The following PTPRK variants were observed in gnomAD, a reference collection of about 807,000 sequenced individuals.
PTPRK encodes protein tyrosine phosphatase receptor type K.
A neutral mutation model predicts 178.0 loss-of-function variants in PTPRK; 75 were observed. The ratio of observed to expected loss-of-function variants is 0.42; its 90% CI spans 0.35 to 0.51. The LOEUF (loss-of-function observed/expected upper bound fraction) is 0.51, where lower values mean the gene tolerates loss of function less well. Ranked by LOEUF, PTPRK falls within the 20% of genes least tolerant of loss-of-function variation. The probability of loss-of-function intolerance (pLI) is 0.02; values close to 1 mark genes in which losing one functional copy is unlikely to be tolerated. For missense variants in PTPRK, 1,441 were observed against 1,797.8 expected (o/e 0.80, Z 3.59); for synonymous variants, 637 against 620.6 (o/e 1.03, Z -0.39).
intron 6 of PTPRK, among the ~76,000 whole-genome samples, chr6:128,199,349 C>T (rs925397886): frequency 6.6e-6 from 1 of 151,980 alleles, no homozygotes; most frequent in African/African-American, 2.4e-5. Flanking sequence ...TGAGAGAAAC[C>T]AGATAAGAGT....
At chr6:128,218,783 A>C in intron 6 of PTPRK, 139 bp downstream of exon 6, 2 of 817,226 alleles carry the variant, frequency 2.4e-6, no homozygotes, top group East Asian at 5.5e-5. Flanking sequence ...CATTCTGAGA[A>C]ATTGTATGAT....
chr6:128,452,468 C>T (rs1847913917), intron 1 of PTPRK, among the ~76,000 whole-genome samples: 1 of 151,946 alleles, frequency 6.6e-6, no homozygotes, highest in Admixed American at 6.6e-5. Flanking sequence ...AATTATATAC[C>T]TATACAACCT....
intron 6 of PTPRK, among the ~76,000 whole-genome samples, chr6:128,194,974 TATA>T (rs1382893981): frequency 2.0e-5 from 3 of 152,244 alleles, no homozygotes; most frequent in African/African-American, 4.8e-5. Flanking sequence ...GCAAAATCTC[TATA>T]ATGAGAATAT....
chr6:128,104,386 C>T lies in PTPRK; in HGVS notation c.1163-14394G>A, dbSNP rs141394348. Reference sequence around the variant, plus strand: ...GGACTACAGGCACTGGCCACTACGCCGGGCTTTTTGTATTTTTAGTAGAGA... The same window carrying T: ...GGACTACAGGCACTGGCCACTACGCTGGGCTTTTTGTATTTTTAGTAGAGA... On this transcript the variant is annotated intron_variant, in intron 7 of 29. Transcript: ENST00000368226. Among the ~76,000 whole-genome samples the T allele has an allele frequency of 5.3e-5, 8 of 152,224 alleles. No individual in the cohort carries two copies. In the East Asian group the frequency reaches 1.4e-3, roughly 26 times the overall value.
At chr6:128,515,605 A>G (rs1857875301) in intron 1 of PTPRK, among the ~76,000 whole-genome samples, 1 of 152,232 alleles carries the variant, frequency 6.6e-6, no homozygotes, top group Non-Finnish European at 1.5e-5. Context: ...GGCTGATTTC[A>G]ATAAACAAGT....
intron 24 of PTPRK, 50 bp downstream of exon 24, chr6:127,982,781 C>T: frequency 6.6e-7 from 1 of 1,525,572 alleles, no homozygotes; most frequent in Non-Finnish European, 8.9e-7. Context: ...TCCTAGCGCC[C>T]AGAACAAATT....
chr6:128,020,972 G>C (rs943821570), intron 13 of PTPRK, among the ~76,000 whole-genome samples: 2 of 152,120 alleles, frequency 1.3e-5, no homozygotes, highest in Admixed American at 1.3e-4. Context: ...TACTAAATTA[G>C]AGACTGCCTT....
chr6:128,042,437 T>C (rs886069047), intron 13 of PTPRK, among the ~76,000 whole-genome samples: 3 of 151,968 alleles, frequency 2.0e-5, no homozygotes, highest in Non-Finnish European at 4.4e-5. Flanking sequence ...AGGGAGATAA[T>C]CTGTTTTCTT....
chr6:128,025,445 G>C (rs1221830655), intron 13 of PTPRK, among the ~76,000 whole-genome samples: 1 of 152,178 alleles, frequency 6.6e-6, no homozygotes, highest in Non-Finnish European at 1.5e-5. Flanking sequence ...TTGTAGATTA[G>C]AAAACCCTGG....
At chr6:128,131,924 G>C (rs1794307189) in intron 7 of PTPRK, among the ~76,000 whole-genome samples, 1 of 151,874 alleles carries the variant, frequency 6.6e-6, no homozygotes, top group Non-Finnish European at 1.5e-5. Context: ...ATATCATACT[G>C]GTTAATAGTT....
intron 6 of PTPRK, among the ~76,000 whole-genome samples, chr6:128,200,790 GA>G (rs1289797749): frequency 7.0e-6 from 1 of 142,606 alleles, no homozygotes; most frequent in African/African-American, 2.6e-5. Flanking sequence ...GTCTGAAAAA[GA>G]AAAAAAGACA....
At chr6:128,145,055 A>G (rs1236323540) in intron 7 of PTPRK, among the ~76,000 whole-genome samples, 1 of 152,148 alleles carries the variant, frequency 6.6e-6, no homozygotes, top group Non-Finnish European at 1.5e-5. Context: ...CAGCTACACA[A>G]TAACAAGATT....
At chr6:128,361,200 C>T (rs1834692888) in intron 2 of PTPRK, among the ~76,000 whole-genome samples, 1 of 152,078 alleles carries the variant, frequency 6.6e-6, no homozygotes, top group Admixed American at 6.6e-5. Context: ...CAAAACCATA[C>T]ATATAAAACT....
intron 21 of PTPRK, among the ~76,000 whole-genome samples, chr6:127,989,439 T>C (rs1379505995): frequency 6.6e-6 from 1 of 152,018 alleles, no homozygotes; most frequent in Non-Finnish European, 1.5e-5. Context: ...CTCACAAGTA[T>C]TTTTATAAAA....
chr6:128,445,200 T>A (rs909718520), intron 1 of PTPRK, among the ~76,000 whole-genome samples: 204 of 132,432 alleles, frequency 1.5e-3, no homozygotes, highest in Non-Finnish European at 2.5e-3. Flanking sequence ...ACTATTTTAT[T>A]TATATATATA....
At chr6:128,165,549 A>G (rs1413797670) in intron 7 of PTPRK, among the ~76,000 whole-genome samples, 1 of 151,182 alleles carries the variant, frequency 6.6e-6, no homozygotes, top group African/African-American at 2.4e-5. Flanking sequence ...ATGGCTTCGC[A>G]TTATTCCTAT....
At chr6:128,106,416 G>A (rs1789729604) in intron 7 of PTPRK, among the ~76,000 whole-genome samples, 1 of 151,392 alleles carries the variant, frequency 6.6e-6, no homozygotes, top group Admixed American at 6.6e-5. Flanking sequence ...TTTTCAAAAT[G>A]TCAAGCTAAA....
chr6:127,993,020 TC>T (rs1156358211), intron 18 of PTPRK, among the ~76,000 whole-genome samples: 5 of 151,778 alleles, frequency 3.3e-5, no homozygotes, highest in Non-Finnish European at 7.4e-5. Context: ...AAATGTTTAG[TC>T]ATTCATTCCT....
At chr6:128,119,725 G>C (rs919340828) in intron 7 of PTPRK, among the ~76,000 whole-genome samples, 2 of 151,962 alleles carry the variant, frequency 1.3e-5, no homozygotes, top group Non-Finnish European at 2.9e-5. Flanking sequence ...TCATGATAAG[G>C]TTAAGTATAA....
Sources: gnomAD v4.1 joint callset for allele counts (sites outside exome capture counted in the v4.1 genomes callset) on GRCh38, gnomAD v4.1.1 for gene constraint, MANE v1.5 for transcripts, NCBI Gene and HGNC (gene_info 2026-07-23, HGNC 2026-07-21) for gene names.